GSDMC: variants seen among roughly 807,000 people sequenced by gnomAD.
The protein encoded by GSDMC is gasdermin-C.
In GSDMC, 59 loss-of-function variants were observed where a neutral mutation model predicts 58.0. That is an observed-to-expected ratio of 1.02 (90% CI 0.82 to 1.26). The LOEUF is 1.26. Among genes scored for constraint, GSDMC ranks in the 50% most tolerant of loss-of-function variants. GSDMC has a pLI of 0.00. For missense variants in GSDMC, 659 were observed against 598.5 expected (o/e 1.10, Z -1.06); for synonymous variants, 241 against 220.2 (o/e 1.09, Z -0.83).
intron 11 of GSDMC, 22 bp downstream of exon 11, chr8:129,750,409 A>G (rs777478074): frequency 7.5e-6 from 12 of 1,608,340 alleles, no homozygotes; most frequent in Non-Finnish European, 1.0e-5. Context: ...TACCAGACCT[A>G]TGCAACTGTG....
At chr8:129,721,254 C>G in the GSDMC span, among the ~76,000 whole-genome samples, 2 of 152,142 alleles carry the variant, frequency 1.3e-5, no homozygotes, top group African/African-American at 4.8e-5. Context: ...TTTTCAACTA[C>G]TAGGTTAGAT....
At position 129,749,512 on chromosome 8, in the gene GSDMC, G is replaced by T; in HGVS notation, c.1227C>A (p.Phe409Leu). ...TGGAACAGGCCAGCAAATCGTGTTG[G>T]AAGTCACTCAGCACTGAGGGTGGGG... is the stretch of plus-strand genomic sequence containing the variant. ...LLEAIMVLSD[F>L]QHDLLACSME... Residue 409 changes from phenylalanine to leucine, a missense_variant, in exon 13 of 14, where the codon TTC becomes TTA. Transcript: ENST00000276708. The T allele has an allele frequency of 6.2e-7, 1 of 1,613,582 alleles. No homozygotes were observed. The highest frequency in any genetic ancestry group is 8.5e-7 in the Non-Finnish European group (1 of 1,179,534).
At chr8:129,721,714 C>A in the GSDMC span, among the ~76,000 whole-genome samples, 1 of 152,216 alleles carries the variant, frequency 6.6e-6, no homozygotes, top group African/African-American at 2.4e-5. Context: ...TTCTCTCTGA[C>A]TTGACAGCAC....
the GSDMC span, among the ~76,000 whole-genome samples, chr8:129,739,382 G>GA: frequency 8.5e-5 from 13 of 152,202 alleles, no homozygotes; most frequent in African/African-American, 2.9e-4. Context: ...ATTTTGAGTA[G>GA]AAAAAAATGC....
At chr8:129,776,310 G>A (rs1227660503) in intron 2 of GSDMC, 25 bp from the exon 3 acceptor site, 10 of 1,548,032 alleles carry the variant, frequency 6.5e-6, no homozygotes, top group Non-Finnish European at 8.7e-6. Context: ...GACGACCATA[G>A]GTTTAGCCAA....
chr8:129,741,213 T>A, the GSDMC span, among the ~76,000 whole-genome samples: 1,676 of 152,266 alleles, frequency 0.011, 28 homozygotes, highest in African/African-American at 0.039. Flanking sequence ...TTGTCTGTTG[T>A]AATGCCAGTA....
At chr8:129,780,446 C>G (rs1244185871) in intron 1 of GSDMC, among the ~76,000 whole-genome samples, 4 of 152,144 alleles carry the variant, frequency 2.6e-5, no homozygotes, top group Non-Finnish European at 5.9e-5. Flanking sequence ...TAGTAGCAGA[C>G]TTTTCACTGG....
chr8:129,779,862 A>C (rs1202244297), intron 1 of GSDMC, among the ~76,000 whole-genome samples: 2 of 152,118 alleles, frequency 1.3e-5, no homozygotes, highest in African/African-American at 4.8e-5. Context: ...TTTTGAGGAC[A>C]CTCAAAGGAA....
downstream of GSDMC, among the ~76,000 whole-genome samples, chr8:129,747,888 G>A (rs975978974): frequency 6.6e-6 from 1 of 152,102 alleles, no homozygotes; most frequent in Non-Finnish European, 1.5e-5. Flanking sequence ...AGCACAGAAT[G>A]AGACAGATAC....
At chr8:129,754,837 G>T (rs1365424669) in intron 6 of GSDMC, among the ~76,000 whole-genome samples, 1 of 152,172 alleles carries the variant, frequency 6.6e-6, no homozygotes, top group Admixed American at 6.5e-5. Flanking sequence ...ATGCCTGAGA[G>T]TCACTTAATA....
intron 10 of GSDMC, 26 bp from the exon 11 acceptor site, chr8:129,750,596 A>G: frequency 6.2e-7 from 1 of 1,609,786 alleles, no homozygotes; most frequent in East Asian, 2.2e-5. Flanking sequence ...AACGCCGACC[A>G]GAAAGTGGGG....
the GSDMC span, among the ~76,000 whole-genome samples, chr8:129,740,280 G>A: frequency 6.6e-6 from 1 of 152,134 alleles, no homozygotes; most frequent in African/African-American, 2.4e-5. Flanking sequence ...TAGCCTAAGT[G>A]TATAGTATTT....
the GSDMC span, among the ~76,000 whole-genome samples, chr8:129,733,321 C>A: frequency 3.3e-5 from 5 of 152,246 alleles, no homozygotes; most frequent in Non-Finnish European, 5.9e-5. Context: ...GTTCTCCCGG[C>A]ATGGTGCATG....
rs749565989 is a variant in GSDMC, at chr8:129,751,859, C to T, written c.916+3G>A. 1.3e-6 allele frequency: 2 copies of T among 1,590,012 alleles called. No homozygotes were observed. ...CCCCCACCTCCAGCAAACTCACACT[C>T]ACCTACTGGGAGGATGTGAACTTGT... On this transcript the variant is annotated splice_donor_region_variant and intron_variant, in intron 9 of 13. Transcript: ENST00000276708.
In GSDMC at chr8:129,765,777, C is replaced by T; in HGVS notation, c.421G>A (p.Glu141Lys). ...DFQKRKLLDP[E>K]PSFLKECRRR... ...CGGCACTCCTTCAGAAATGATGGCT[C>T]TGGATCCAACAGTTTCCTGGGGATT... Residue 141 changes from glutamate (E) to lysine (K), a missense_variant, in exon 4 of 14, where the codon GAG (glutamate) becomes AAG (lysine). Transcript: ENST00000276708. The T allele has an allele frequency of 6.2e-7, 1 of 1,613,784 alleles. No individual in the cohort carries two copies. The highest frequency in any genetic ancestry group is 2.2e-5 in the East Asian group (1 of 44,884).
Position 129,762,672 on chromosome 8 carries a change from G to A in GSDMC, c.630C>T (p.Gly210=). The A allele has an allele frequency of 6.2e-7, 1 of 1,613,850 alleles. No homozygotes were observed. ...VKKKALTLQK[G]MVMAYKRKQL... is the part of the protein sequence containing the mutation. ...GCTTTCTCTTATAAGCCATCACCAT[G>A]CCTTTCTGAAGAGTCAGCGCCTTCT... Residue 210 remains glycine, a synonymous_variant, in exon 5 of 14, where the codon GGC becomes GGT. Transcript: ENST00000276708.
At chr8:129,726,087 G>A in the GSDMC span, among the ~76,000 whole-genome samples, 8 of 152,166 alleles carry the variant, frequency 5.3e-5, no homozygotes, top group Non-Finnish European at 7.3e-5. Context: ...CTCAACATGA[G>A]ACAATCAGAT....
At chr8:129,709,937 C>A in the GSDMC span, among the ~76,000 whole-genome samples, 1 of 152,208 alleles carries the variant, frequency 6.6e-6, no homozygotes, top group East Asian at 1.9e-4. Flanking sequence ...CTTTGATCAT[C>A]TCATCTAAGG....
the GSDMC span, among the ~76,000 whole-genome samples, chr8:129,721,019 T>A: frequency 6.6e-6 from 1 of 152,090 alleles, no homozygotes; most frequent in Non-Finnish European, 1.5e-5. Context: ...GACATAAGAG[T>A]AATGGATCCC....
Sources: gnomAD v4.1 joint callset for allele counts (sites outside exome capture counted in the v4.1 genomes callset) on GRCh38, gnomAD v4.1.1 for gene constraint, MANE v1.5 for transcripts, NCBI Gene and HGNC (gene_info 2026-07-23, HGNC 2026-07-21) for gene names.